CHMP7: variants seen among roughly 807,000 people sequenced by gnomAD.
CHMP7 encodes charged multivesicular body protein 7, also known as CHMP family, member 7.
Under a neutral mutation model 53.7 loss-of-function variants are expected in CHMP7, and 15 were observed. That is an observed-to-expected ratio of 0.28 (90% CI 0.19 to 0.43). The LOEUF is 0.43. Ranked by LOEUF, CHMP7 falls within the 20% of genes least tolerant of loss-of-function variation. The pLI, the probability that CHMP7 is intolerant of heterozygous loss-of-function variation, is 1.00. For missense variants in CHMP7, 527 were observed against 569.4 expected, an observed-to-expected ratio of 0.93 and a Z score of 0.76; for synonymous variants, 261 against 228.0, an observed-to-expected ratio of 1.14 and a Z score of -1.30.
At chr8:23,244,051 T>C (rs1003089802) in intron 1 of CHMP7, among the ~76,000 whole-genome samples, 1 of 152,106 alleles carries the variant, frequency 6.6e-6, no homozygotes, top group Non-Finnish European at 1.5e-5. Context: ...ATAACAGTCC[T>C]TTATCAGAGA....
chr8:23,248,774 G>T (rs1410536207), intron 2 of CHMP7, among the ~76,000 whole-genome samples: 1 of 152,190 alleles, frequency 6.6e-6, no homozygotes, highest in African/African-American at 2.4e-5. Flanking sequence ...GTCCTTCTCT[G>T]TACATCTTTG....
At chr8:23,256,367 C>T in intron 4 of CHMP7, 93 bp from the exon 5 acceptor site, 1 of 811,876 alleles carries the variant, frequency 1.2e-6, no homozygotes, top group Non-Finnish European at 2.2e-6. Context: ...TAAGGGGGGC[C>T]TGCTGTTCTC....
intron 10 of CHMP7, 72 bp downstream of exon 10, chr8:23,260,395 C>T (rs974438127): frequency 1.5e-5 from 24 of 1,572,018 alleles, no homozygotes; most frequent in Non-Finnish European, 1.7e-5. Flanking sequence ...GGGCCCAAGC[C>T]CAATTACTCC....
chr8:23,251,924 T>C (rs1388076179), intron 3 of CHMP7, among the ~76,000 whole-genome samples: 1 of 152,234 alleles, frequency 6.6e-6, no homozygotes, highest in Non-Finnish European at 1.5e-5. Flanking sequence ...ATATGTGCCT[T>C]TTCAATTTTA....
At chr8:23,249,492 T>G in intron 3 of CHMP7, 111 bp downstream of exon 3, 1 of 800,812 alleles carries the variant, frequency 1.2e-6, no homozygotes, top group Non-Finnish European at 1.9e-6. Context: ...ACATGGCTAC[T>G]GAGTTGATAA....
rs1802226298 is a variant in CHMP7, at chr8:23,258,456, A to G, written c.960+7A>G. The G allele has an allele frequency of 2.5e-6, 4 of 1,613,070 alleles. No homozygotes were observed. The highest frequency in any genetic ancestry group is 1.7e-5 in the Admixed American group (1 of 59,918). On this transcript the variant is annotated splice_region_variant and intron_variant, in intron 7 of 10. Coordinates refer to ENST00000397677, the MANE Select transcript of CHMP7 (RefSeq NM_152272.5). The stretch of plus-strand genomic sequence containing the variant: ...CTCCCAGACAGATCAGATGGTAGTC[A>G]CTCCCCTCTACTCCAGCACTTGGCT...
At chr8:23,259,835 G>C (rs1802309437) in intron 9 of CHMP7, 1 of 301,092 alleles carries the variant, frequency 3.3e-6, no homozygotes, top group South Asian at 4.7e-5. Flanking sequence ...CTGTGCTCAT[G>C]ACCCATCTGT....
intron 2 of CHMP7, 146 bp downstream of exon 2, chr8:23,247,140 G>A: frequency 3.9e-6 from 3 of 770,016 alleles, no homozygotes; most frequent in South Asian, 2.3e-5. Context: ...TTCAGAAGGC[G>A]AAGAAGGAAA....
chr8:23,258,893 C>A, intron 8 of CHMP7, 63 bp downstream of exon 8: 1 of 1,209,712 alleles, frequency 8.3e-7, no homozygotes, highest in South Asian at 1.2e-5. Flanking sequence ...GATTTGACTT[C>A]ATTGCACATC....
At chr8:23,251,039 C>G (rs982437624) in intron 3 of CHMP7, among the ~76,000 whole-genome samples, 9 of 152,316 alleles carry the variant, frequency 5.9e-5, no homozygotes, top group Admixed American at 4.6e-4. Context: ...TCAGGGTCCC[C>G]GCAAAGACTG....
Position 23,260,594 on chromosome 8 carries a change from T to C in CHMP7, c.1357T>C (p.Leu453=), listed in dbSNP as rs368167081. ...KRQLEPTLKP[L] ...GCAATTGGAACCGACTCTAAAGCCA[T>C]TGTAGGACCCTCAAGTGAAGGACCC... Residue 453 remains leucine (L), a synonymous_variant, in exon 11 of 11, where the codon TTG becomes CTG. Coordinates refer to ENST00000397677, the MANE Select transcript of CHMP7 (RefSeq NM_152272.5). 1.2e-6 allele frequency: 2 copies of C among 1,613,638 alleles called. No individual in the cohort carries two copies. The highest frequency in any genetic ancestry group is 1.7e-6 in the Non-Finnish European group (2 of 1,179,506).
At chr8:23,257,649 G>A (rs891557147) in intron 5 of CHMP7, among the ~76,000 whole-genome samples, 1 of 152,228 alleles carries the variant, frequency 6.6e-6, no homozygotes, top group Non-Finnish European at 1.5e-5. Context: ...GGAGAACACA[G>A]ACATTGAAGT....
intron 4 of CHMP7, 98 bp downstream of exon 4, chr8:23,255,530 A>G (rs1802090637): frequency 1.8e-6 from 2 of 1,106,754 alleles, no homozygotes; most frequent in African/African-American, 1.5e-5. Context: ...CCAGAGTTTC[A>G]GTAACCTGCC....
intron 3 of CHMP7, among the ~76,000 whole-genome samples, chr8:23,252,158 G>A (rs146609345): frequency 1.1e-3 from 132 of 125,272 alleles, no homozygotes; most frequent in African/African-American, 3.2e-3. Flanking sequence ...TCTGTGAATT[G>A]TCTGTTTATA....
rs768597444 is a variant in CHMP7 at position 23,246,755 on chromosome 8, G to GC, written c.66dup (p.Glu23ArgfsTer115). 6.4e-7 allele frequency: 1 copy of GC among 1,555,642 alleles called. No homozygotes were observed. On this transcript the variant is annotated frameshift_variant, in exon 2 of 11. Coordinates refer to ENST00000397677, the MANE Select transcript of CHMP7 (RefSeq NM_152272.5). LOFTEE classifies it high-confidence loss of function. ...CCGGGGGAGACCCGGCGGGCCTTCT[G>GC]CCCCCCGAGTGGGAGGAGGACGAGG...
At chr8:23,259,681 A>T (rs1585318665) in intron 9 of CHMP7, among the ~76,000 whole-genome samples, 1 of 152,188 alleles carries the variant, frequency 6.6e-6, no homozygotes, top group Non-Finnish European at 1.5e-5. Flanking sequence ...TCTTCCTTTC[A>T]TCCTGGAAGA....
At chr8:23,254,313 T>TTATTTCTTGGAACTTA (rs1345667962) in intron 3 of CHMP7, among the ~76,000 whole-genome samples, 1 of 152,178 alleles carries the variant, frequency 6.6e-6, no homozygotes, top group Non-Finnish European at 1.5e-5. Flanking sequence ...AATGGTGACA[T>TTATTTCTTGGAACTTA]TATTTCTTGG....
intron 8 of CHMP7, 98 bp downstream of exon 8, chr8:23,258,928 A>G: frequency 2.8e-6 from 3 of 1,059,472 alleles, no homozygotes; most frequent in Non-Finnish European, 4.4e-6. Flanking sequence ...CTGACTTGTG[A>G]CCTTGTGAAC....
At chr8:23,246,045 C>CA (rs1247184929) in intron 1 of CHMP7, 3 of 152,104 alleles carry the variant, frequency 2.0e-5, no homozygotes, top group African/African-American at 4.8e-5. Context: ...TTGACCTTTT[C>CA]AAAAAATCAG....
Sources: gnomAD v4.1 joint callset for allele counts (sites outside exome capture counted in the v4.1 genomes callset) on GRCh38, gnomAD v4.1.1 for gene constraint, MANE v1.5 for transcripts, NCBI Gene and HGNC (gene_info 2026-07-23, HGNC 2026-07-21) for gene names.